ARL6IP5: variants seen among roughly 807,000 people sequenced by gnomAD.
The protein encoded by ARL6IP5 is PRA1 family protein 3.
ARL6IP5 carries 6 observed loss-of-function variants against 13.0 expected under a neutral mutation model. The ratio of observed to expected loss-of-function variants is 0.46; its 90% CI spans 0.25 to 0.91. ARL6IP5 has a LOEUF of 0.91. Among genes scored for constraint, ARL6IP5 ranks in the 40% least tolerant of loss-of-function variants. The pLI is 0.17. For missense variants in ARL6IP5, 208 were observed against 248.8 expected, an observed-to-expected ratio of 0.84 and a Z score of 1.10; for synonymous variants, 91 against 91.9, an observed-to-expected ratio of 0.99 and a Z score of 0.06.
chr3:69,104,700 T>C lies in ARL6IP5; in HGVS notation c.*64T>C. The C allele has an allele frequency of 6.4e-7, 1 of 1,573,666 alleles. No individual in the cohort carries two copies. Among genetic ancestry groups the C allele is most frequent in the Non-Finnish European group, 8.7e-7 (1 of 1,152,010 alleles). On this transcript the variant is annotated 3_prime_UTR_variant, in exon 3 of 3. Transcript: ENST00000273258. Reference sequence around the variant, plus strand: ...GTTGCAGCTTGCCCTTGTCCAGACCTATGTTCTGCTTGCGTTTTTGAAACA... The same window carrying C: ...GTTGCAGCTTGCCCTTGTCCAGACCCATGTTCTGCTTGCGTTTTTGAAACA...
intron 1 of ARL6IP5, 79 bp downstream of exon 1, chr3:69,085,302 A>T (rs1215106400): frequency 6.7e-7 from 1 of 1,499,690 alleles, no homozygotes; most frequent in African/African-American, 1.4e-5. Flanking sequence ...CCCGGGATGT[A>T]GAGACGCTCT....
intron 1 of ARL6IP5, among the ~76,000 whole-genome samples, chr3:69,094,255 C>G (rs185233467): frequency 6.6e-6 from 1 of 152,158 alleles, no homozygotes; most frequent in Non-Finnish European, 1.5e-5. Context: ...CTAGCAGTTA[C>G]AGCCAAAGCC....
At chr3:69,103,395 C>A (rs7650851) in intron 2 of ARL6IP5, among the ~76,000 whole-genome samples, 4,188 of 152,260 alleles carry the variant, frequency 0.028, 83 homozygotes, top group East Asian at 0.04. Flanking sequence ...TCACTCATCT[C>A]TAAAGTAAGG....
chr3:69,091,914 A>T (rs1201845854), intron 1 of ARL6IP5, among the ~76,000 whole-genome samples: 1 of 152,190 alleles, frequency 6.6e-6, no homozygotes, highest in Non-Finnish European at 1.5e-5. Flanking sequence ...CTAATTAAGC[A>T]TCAATATTGG....
intron 1 of ARL6IP5, 23 bp from the exon 2 acceptor site, chr3:69,101,816 A>G (rs1012282420): frequency 2.5e-6 from 4 of 1,597,310 alleles, no homozygotes; most frequent in Non-Finnish European, 3.4e-6. Flanking sequence ...GTCACCCCTC[A>G]TTTTTTCTTC....
intron 1 of ARL6IP5, among the ~76,000 whole-genome samples, chr3:69,085,529 A>G (rs1260797339): frequency 6.6e-6 from 1 of 152,184 alleles, no homozygotes; most frequent in Non-Finnish European, 1.5e-5. Context: ...CCCGCGTGCC[A>G]GGATCGGGCT....
intron 1 of ARL6IP5, among the ~76,000 whole-genome samples, chr3:69,095,604 C>T (rs4065065): frequency 0.47 from 71,207 of 151,276 alleles, 16,927 homozygotes; most frequent in South Asian, 0.56. Context: ...AAGTGATTCT[C>T]GTGTCTCAGC....
chr3:69,099,296 G>A (rs1015337239), intron 1 of ARL6IP5, among the ~76,000 whole-genome samples: 11 of 152,126 alleles, frequency 7.2e-5, no homozygotes, highest in South Asian at 2.1e-4. Context: ...GCTTGAACCT[G>A]GGAGGCAGAG....
At chr3:69,087,496 C>A (rs1040953806) in intron 1 of ARL6IP5, among the ~76,000 whole-genome samples, 1 of 151,554 alleles carries the variant, frequency 6.6e-6, no homozygotes, top group African/African-American at 2.4e-5. Context: ...AAAAAAAAGT[C>A]TATTTTCTTC....
chr3:69,097,135 G>A (rs2092289865), intron 1 of ARL6IP5, among the ~76,000 whole-genome samples: 1 of 151,676 alleles, frequency 6.6e-6, no homozygotes, highest in African/African-American at 2.4e-5. Flanking sequence ...GTAGTCTTTG[G>A]TATAATTTTT....
At chr3:69,092,215 G>T (rs1282739743) in intron 1 of ARL6IP5, among the ~76,000 whole-genome samples, 1 of 152,086 alleles carries the variant, frequency 6.6e-6, no homozygotes, top group African/African-American at 2.4e-5. Context: ...CTTCCTTCTC[G>T]TTATGCAATT....
chr3:69,099,468 C>T (rs2092299073), intron 1 of ARL6IP5, among the ~76,000 whole-genome samples: 1 of 152,170 alleles, frequency 6.6e-6, no homozygotes, highest in South Asian at 2.1e-4. Context: ...AGCAGTTTGA[C>T]ATTGATTTTA....
At chr3:69,095,433 A>G (rs1176040760) in intron 1 of ARL6IP5, among the ~76,000 whole-genome samples, 2 of 151,656 alleles carry the variant, frequency 1.3e-5, no homozygotes, top group Non-Finnish European at 2.9e-5. Flanking sequence ...CACAATAGAA[A>G]AACATAACGG....
rs949638218 is a variant in ARL6IP5 at position 69,094,881 on chromosome 3, T to A, written c.177-6958T>A. On this transcript the variant is annotated intron_variant, in intron 1 of 2. Transcript: ENST00000273258. ...GATCCTTCCTAGCTCTAAAATTTTG[T>A]GAGATTTTTTTTTCCCCTTTCAGTA... is the stretch of plus-strand genomic sequence containing the variant. Among the ~76,000 whole-genome samples the A allele has an allele frequency of 9.5e-4, 97 of 102,484 alleles. 1 individual carries two copies. Among genetic ancestry groups the A allele is most frequent in the African/African-American group, 3.1e-3 (96 of 31,306 alleles). 67.2% of individuals were successfully genotyped at this position (102,484 alleles called of 152,430 possible).
intron 1 of ARL6IP5, among the ~76,000 whole-genome samples, chr3:69,095,094 A>C (rs962238776): frequency 1.3e-5 from 2 of 152,194 alleles, no homozygotes; most frequent in Non-Finnish European, 2.9e-5. Flanking sequence ...TTAACATGAC[A>C]GAATGGGTTC....
At position 69,104,620 on chromosome 3, in the gene ARL6IP5, G is replaced by A. The variant is rs757868106; in HGVS notation, c.551G>A (p.Ser184Asn). 6.2e-7 allele frequency: 1 copy of A among 1,613,324 alleles called. No individual in the cohort carries two copies. Among genetic ancestry groups the A allele is most frequent in the Middle Eastern group, 1.7e-4 (1 of 6,046 alleles). ...EGINRLTDYI[S>N]KVKE is the part of the protein sequence containing the mutation. ...ATCAACAGACTCACTGACTATATCAGCAAAGTGAAGGAATAAACATAACTT... is the reference window on the plus strand; with the variant it reads ...ATCAACAGACTCACTGACTATATCAACAAAGTGAAGGAATAAACATAACTT... Residue 184 changes from serine (S) to asparagine (N), a missense_variant, in exon 3 of 3, where the codon AGC becomes AAC. By Grantham distance (46) the Ser-to-Asn change is conservative. Transcript: ENST00000273258.
At chr3:69,086,491 T>G (rs2092248048) in intron 1 of ARL6IP5, among the ~76,000 whole-genome samples, 1 of 152,210 alleles carries the variant, frequency 6.6e-6, no homozygotes, top group South Asian at 2.1e-4. Context: ...CTATACACAA[T>G]CGCACAGATC....
At chr3:69,104,057 C>A (rs2092314627) in intron 2 of ARL6IP5, among the ~76,000 whole-genome samples, 1 of 152,134 alleles carries the variant, frequency 6.6e-6, no homozygotes, top group Admixed American at 6.5e-5. Flanking sequence ...GAACAAGATA[C>A]AGATAATCCC....
Position 69,104,961 on chromosome 3 carries a change from A to ATCT in ARL6IP5, c.*327_*329dup, listed in dbSNP as rs1342726996. On this transcript the variant is annotated 3_prime_UTR_variant, in exon 3 of 3. Transcript: ENST00000273258. ...CGGCTTTTACAGCAACAATACGATT[A>ATCT]TCTTATAGGAAAAAAAAAATCATTG... is the stretch of plus-strand genomic sequence containing the variant. The ATCT allele has an allele frequency of 4.5e-6, 3 of 673,854 alleles. No individual in the cohort carries two copies. The Admixed American group carries it at 7.2e-5, about 16-fold the overall frequency. 41.7% of individuals were successfully genotyped at this position (673,854 alleles called of 1,614,324 possible). A position where few individuals can be genotyped will look rare whatever the true frequency, so the allele number is the denominator to read the frequency against.
Sources: allele counts gnomAD v4.1 joint callset (sites outside exome capture counted in the v4.1 genomes callset), GRCh38; gene constraint gnomAD v4.1.1; transcripts MANE v1.5; gene names NCBI Gene and HGNC (gene_info 2026-07-23, HGNC 2026-07-21).